Variants in PPWD1 observed in about 807,000 individuals in gnomAD.
The protein encoded by PPWD1 is peptidylprolyl isomerase domain and WD repeat-containing protein 1.
Under a neutral mutation model 68.8 loss-of-function variants are expected in PPWD1, and 43 were observed. That is an observed-to-expected ratio of 0.62 (90% CI 0.49 to 0.81). The LOEUF (loss-of-function observed/expected upper bound fraction) is 0.81. Among genes scored for constraint, PPWD1 ranks in the 30% least tolerant of loss-of-function variants. The probability of loss-of-function intolerance (pLI) is 0.00; values close to 1 mark genes in which losing one functional copy is unlikely to be tolerated. For synonymous variants in PPWD1, 232 were observed against 258.7 expected (o/e 0.90, Z 0.99); for missense variants, 672 against 804.8 (o/e 0.83, Z 2.00).
chr5:65,580,999 G>A (rs13160139), intron 7 of PPWD1, among the ~76,000 whole-genome samples: 11 of 152,124 alleles, frequency 7.2e-5, no homozygotes, highest in Non-Finnish European at 1.2e-4. Flanking sequence ...CTTCTTCACT[G>A]TTAAATCCAG....
intron 1 of PPWD1, among the ~76,000 whole-genome samples, chr5:65,565,443 C>T (rs1050983803): frequency 7.2e-5 from 11 of 152,084 alleles, no homozygotes; most frequent in African/African-American, 2.4e-4. Flanking sequence ...CTTAATATAA[C>T]GGAGACAGAT....
chr5:65,574,531 G>A (rs892314110), intron 5 of PPWD1, among the ~76,000 whole-genome samples: 3 of 139,704 alleles, frequency 2.1e-5, no homozygotes, highest in East Asian at 2.2e-4. Flanking sequence ...TGGCTCAATC[G>A]CGGCTCACTG....
Position 65,579,411 on chromosome 5 carries a change from G to T in PPWD1, c.1161-13G>T. The T allele has an allele frequency of 6.8e-7, 1 of 1,478,076 alleles. No individual in the cohort carries two copies. The highest frequency in any genetic ancestry group is 1.4e-5 in the African/African-American group (1 of 69,434). The allele number at this position is 1,478,076 out of a possible 1,614,324, so 91.6% of individuals were successfully genotyped here. A position where few individuals can be genotyped will look rare whatever the true frequency, so the allele number is the denominator to read the frequency against. Reference sequence around the variant, plus strand: ...CGGTGATTCTGTTGTATAAAACATTGTTATATTTTTAGGTGTGTGCGGATT... The same window carrying T: ...CGGTGATTCTGTTGTATAAAACATTTTTATATTTTTAGGTGTGTGCGGATT... On this transcript the variant is annotated splice_polypyrimidine_tract_variant and intron_variant, in intron 6 of 10. Coordinates refer to ENST00000261308, the MANE Select transcript of PPWD1 (RefSeq NM_015342.4).
chr5:65,571,645 A>C, intron 4 of PPWD1, 194 bp from the exon 5 acceptor site: 1 of 520,330 alleles, frequency 1.9e-6, no homozygotes, highest in Non-Finnish European at 2.5e-6. Flanking sequence ...CATTATACTG[A>C]TGAGGTCAGA....
At chr5:65,575,098 T>C (rs1440620947) in intron 5 of PPWD1, among the ~76,000 whole-genome samples, 1 of 152,226 alleles carries the variant, frequency 6.6e-6, no homozygotes, top group African/African-American at 2.4e-5. Flanking sequence ...AGGGTCACTA[T>C]ATATGGCTGT....
intron 5 of PPWD1, among the ~76,000 whole-genome samples, chr5:65,575,573 G>A (rs6867890): frequency 0.01 from 1,565 of 152,274 alleles, 31 homozygotes; most frequent in African/African-American, 0.035. Context: ...CAGAAGTCTG[G>A]CTTATTTTCA....
intron 10 of PPWD1, 137 bp from the exon 11 acceptor site, chr5:65,587,116 G>T: frequency 1.0e-6 from 1 of 973,016 alleles, no homozygotes; most frequent in South Asian, 3.2e-5. Flanking sequence ...TTTTATTGCT[G>T]AGAAATTATT....
intron 9 of PPWD1, among the ~76,000 whole-genome samples, chr5:65,585,633 G>A (rs1411561699): frequency 2.0e-5 from 3 of 152,114 alleles, no homozygotes; most frequent in Admixed American, 6.6e-5. Flanking sequence ...AGGAATTAGC[G>A]AAAAGGCTTT....
At chr5:65,573,516 G>T (rs1325997011) in intron 5 of PPWD1, among the ~76,000 whole-genome samples, 11 of 15,432 alleles carry the variant, frequency 7.1e-4, no homozygotes, top group African/African-American at 1.6e-3. Context: ...AGTACAGATG[G>T]TTTTTTTTTT....
At chr5:65,585,226 G>A (rs1211606591) in intron 9 of PPWD1, 131 bp downstream of exon 9, 12 of 860,788 alleles carry the variant, frequency 1.4e-5, no homozygotes, top group Non-Finnish European at 1.9e-5. Flanking sequence ...ATACACTATG[G>A]AAGCCAAAGG....
chr5:65,578,136 T>C (rs1040229963), intron 6 of PPWD1, among the ~76,000 whole-genome samples: 5 of 152,234 alleles, frequency 3.3e-5, no homozygotes. Flanking sequence ...TTCGGTAATA[T>C]GCATTTAAGT....
chr5:65,587,118 G>C, intron 10 of PPWD1, 135 bp from the exon 11 acceptor site: 1 of 990,788 alleles, frequency 1.0e-6, no homozygotes, highest in Non-Finnish European at 1.4e-6. Context: ...TTATTGCTGA[G>C]AAATTATTGT....
At chr5:65,579,684 C>T (rs1753511161) in intron 7 of PPWD1, 71 bp downstream of exon 7, 6 of 1,133,578 alleles carry the variant, frequency 5.3e-6, no homozygotes, top group South Asian at 2.9e-5. Flanking sequence ...TTTGTTTGTA[C>T]CTTCAACTGA....
rs867027821 is a variant in PPWD1 at position 65,563,468 on chromosome 5, C to A, written c.158C>A (p.Pro53His). Residue 53 changes from proline (P) to histidine (H), a missense_variant, in exon 1 of 11, where the codon CCT (proline) becomes CAT (histidine). Physicochemically the swap from Pro to His is moderately conservative, Grantham distance 77. This residue lies in a region of PPWD1 where 188 missense variants were observed against 158.6 expected (regional missense o/e 1.19). Transcript: ENST00000261308. The stretch of plus-strand genomic sequence containing the variant: ...GAGAACGAAGAGCGCTGGGTTGGAC[C>A]TTTACCTGTGGAGGCAACACTGGCC... ...DEENEERWVGPLPVEATLAKK... is the reference protein window; with the variant it reads ...DEENEERWVGHLPVEATLAKK... The A allele has an allele frequency of 1.2e-6, 2 of 1,613,972 alleles. No homozygotes were observed. Among genetic ancestry groups the A allele is most frequent in the Non-Finnish European group, 1.7e-6 (2 of 1,179,970 alleles).
chr5:65,563,915 G>A, intron 1 of PPWD1: 1 of 1,326,892 alleles, frequency 7.5e-7, no homozygotes, highest in Non-Finnish European at 1.0e-6. Context: ...GTTGGGGCGC[G>A]AGAGGAAGGC....
intron 1 of PPWD1, among the ~76,000 whole-genome samples, chr5:65,565,807 CAAA>C (rs35080676): frequency 8.0e-4 from 83 of 103,302 alleles, no homozygotes; most frequent in Middle Eastern, 5.1e-3. Context: ...GACTCCGTCT[CAAA>C]AAAAAAAAAA....
chr5:65,576,980 A>G lies in PPWD1; in HGVS notation c.1071A>G (p.Arg357=). ...AGTTGGAGAAGGTTGATGCTGTAAG[A>G]TTAATTAATATAGTTTTTGATGAAA... ...ERELEKVDAV[R]LINIVFDETG... The change falls in exon 6 of 11, where the codon AGA becomes AGG. Residue 357 remains arginine, a synonymous_variant. Transcript: ENST00000261308. 1 of 1,614,172 alleles carries G rather than the reference A, an allele frequency of 6.2e-7. No homozygotes were observed. The highest frequency in any genetic ancestry group is 8.5e-7 in the Non-Finnish European group (1 of 1,180,010).
rs1753104858 is a variant in PPWD1, at chr5:65,573,428, G to T, written c.969+1142G>T. Reference sequence around the variant, plus strand: ...CTGTCTCAGCTTCCCAAGTAGCTGGGACTATAGGCGTGTGCCACCACACTT... The same window carrying T: ...CTGTCTCAGCTTCCCAAGTAGCTGGTACTATAGGCGTGTGCCACCACACTT... On this transcript the variant is annotated intron_variant, in intron 5 of 10. Coordinates refer to ENST00000261308, the MANE Select transcript of PPWD1 (RefSeq NM_015342.4). 2.9e-5 allele frequency among the ~76,000 whole-genome samples: 4 copies of T among 138,088 alleles called. No homozygotes were observed. In the South Asian group the frequency reaches 6.9e-4, roughly 24 times the overall value. 90.6% of individuals were successfully genotyped at this position (138,088 alleles called of 152,430 possible).
intron 7 of PPWD1, among the ~76,000 whole-genome samples, chr5:65,581,582 T>C (rs949820815): frequency 1.1e-4 from 17 of 152,140 alleles, no homozygotes; most frequent in African/African-American, 3.9e-4. Context: ...CAAGACCCTA[T>C]TGCTAAACAA....
Sources: gnomAD v4.1 joint callset for allele counts (sites outside exome capture counted in the v4.1 genomes callset) on GRCh38, gnomAD v4.1.1 for gene constraint, gnomAD v4.1.1 regional missense constraint, MANE v1.5 for transcripts, NCBI Gene and HGNC (gene_info 2026-07-23, HGNC 2026-07-21) for gene names.